The following LRBA variants were observed in gnomAD, a reference collection of about 807,000 sequenced individuals.
The protein encoded by LRBA is LPS responsive beige-like anchor protein.
In LRBA, 176 loss-of-function variants were observed where a neutral mutation model predicts 330.0. The observed-to-expected ratio is 0.53, with a 90% CI of 0.47 to 0.60. The LOEUF is 0.60. Among genes scored for constraint, LRBA ranks in the 20% least tolerant of loss-of-function variants. LRBA has a pLI of 0.00. For synonymous variants in LRBA, 1,230 were observed against 1,193.0 expected, an observed-to-expected ratio of 1.03 and a Z score of -0.64; for missense variants, 3,259 against 3,444.8, an observed-to-expected ratio of 0.95 and a Z score of 1.35.
At chr4:150,922,394 G>GTATGTA (rs1554000212) in intron 4 of LRBA, among the ~76,000 whole-genome samples, 3 of 139,708 alleles carry the variant, frequency 2.1e-5, no homozygotes, top group African/African-American at 5.2e-5. Flanking sequence ...AGAAACTGTG[G>GTATGTA]TATATATATA....
chr4:150,349,867 A>C (rs1176274446), intron 48 of LRBA, 125 bp downstream of exon 48: 1 of 779,454 alleles, frequency 1.3e-6, no homozygotes, highest in Non-Finnish European at 2.0e-6. Flanking sequence ...ATTCTGCTTA[A>C]GGCACTTTAC....
At chr4:150,600,764 A>G (rs1163747866) in intron 37 of LRBA, among the ~76,000 whole-genome samples, 1 of 152,200 alleles carries the variant, frequency 6.6e-6, no homozygotes, top group African/African-American at 2.4e-5. Context: ...ATATACATAC[A>G]ATCAAAAGAC....
intron 36 of LRBA, among the ~76,000 whole-genome samples, chr4:150,726,221 C>T (rs1729647290): frequency 6.6e-6 from 1 of 152,238 alleles, no homozygotes; most frequent in Non-Finnish European, 1.5e-5. Flanking sequence ...AATTAAAAAA[C>T]AAGACCTAAT....
intron 36 of LRBA, among the ~76,000 whole-genome samples, chr4:150,704,870 A>G (rs1335239614): frequency 6.6e-6 from 1 of 152,192 alleles, no homozygotes; most frequent in African/African-American, 2.4e-5. Context: ...TTTCTTTTGC[A>G]TAATAAGAAT....
At chr4:151,002,388 GA>G (rs1037533094) in intron 2 of LRBA, among the ~76,000 whole-genome samples, 9 of 151,304 alleles carry the variant, frequency 5.9e-5, no homozygotes, top group African/African-American at 1.9e-4. Flanking sequence ...CCAAAATGAT[GA>G]AACCCCCCCC....
intron 34 of LRBA, among the ~76,000 whole-genome samples, chr4:150,782,580 TCTCTGTCTGTAGC>T: frequency 6.6e-6 from 1 of 152,298 alleles, no homozygotes; most frequent in South Asian, 2.1e-4. Flanking sequence ...GTCCTCCATT[TCTCTGTCTGTAGC>T]CTCCCACTAA....
At chr4:150,778,152 T>C (rs1737679440) in intron 34 of LRBA, among the ~76,000 whole-genome samples, 1 of 152,052 alleles carries the variant, frequency 6.6e-6, no homozygotes, top group East Asian at 1.9e-4. Context: ...CAAAAGAATA[T>C]AGTGTAACAA....
chr4:150,792,944 G>T (rs779512003), intron 34 of LRBA, among the ~76,000 whole-genome samples: 1 of 152,104 alleles, frequency 6.6e-6, no homozygotes, highest in Admixed American at 6.5e-5. Context: ...GCCAGGCATG[G>T]TGGCAGGCAT....
chr4:150,344,765 G>T (rs1195474162), intron 48 of LRBA, among the ~76,000 whole-genome samples: 1 of 152,062 alleles, frequency 6.6e-6, no homozygotes, highest in Non-Finnish European at 1.5e-5. Flanking sequence ...TGCCCAGGCT[G>T]GTCTTGAACT....
intron 31 of LRBA, among the ~76,000 whole-genome samples, chr4:150,812,617 T>C (rs1442905018): frequency 6.6e-6 from 1 of 152,154 alleles, no homozygotes; most frequent in Non-Finnish European, 1.5e-5. Flanking sequence ...AATAAGCCTA[T>C]TGGCCTAAAT....
intron 37 of LRBA, among the ~76,000 whole-genome samples, chr4:150,648,177 A>AAAAAAAAAAAAAAAAAAAC (rs1779372610): frequency 7.6e-6 from 1 of 131,486 alleles, no homozygotes; most frequent in African/African-American, 2.6e-5. Context: ...AAAAAAAAAA[A>AAAAAAAAAAAAAAAAAAAC]CTAGAAAAGA....
chr4:150,647,585 GACAGGGTCTCCCT>G (rs1419133592), intron 37 of LRBA, among the ~76,000 whole-genome samples: 1 of 151,774 alleles, frequency 6.6e-6, no homozygotes, highest in Non-Finnish European at 1.5e-5. Flanking sequence ...GTGTTGTAGA[GACAGGGTCTCCCT>G]ATGTTGCCCA....
At chr4:150,711,073 A>T (rs780690641) in intron 36 of LRBA, among the ~76,000 whole-genome samples, 2 of 151,958 alleles carry the variant, frequency 1.3e-5, no homozygotes, top group African/African-American at 2.4e-5. Flanking sequence ...TGAAAGTTTC[A>T]GTATGAACCC....
rs573681559 is a variant in LRBA, at chr4:150,311,146, C to T, written c.7694-762G>A. On this transcript the variant is annotated intron_variant, in intron 51 of 56. Coordinates refer to ENST00000651943, the MANE Select transcript of LRBA (RefSeq NM_001364905.1). ...CCGAGCACATGGGAAGAGTAATAAT[C>T]GTCCAGAAATACACCATCGACTGTG... The T allele has an allele frequency of 6.6e-5, 10 of 152,216 alleles. No individual in the cohort carries two copies. In the East Asian group the frequency reaches 9.7e-4, roughly 15 times the overall value. The allele number at this position is 152,216 out of a possible 1,614,324, so 9.4% of individuals were successfully genotyped here.
At chr4:150,873,627 T>C (rs1753690744) in intron 17 of LRBA, among the ~76,000 whole-genome samples, 1 of 151,676 alleles carries the variant, frequency 6.6e-6, no homozygotes, top group South Asian at 2.1e-4. Context: ...TAGGAAGGCC[T>C]TCTGATTTTA....
chr4:150,826,321 TG>T (rs759550362), intron 30 of LRBA, among the ~76,000 whole-genome samples: 2 of 151,952 alleles, frequency 1.3e-5, no homozygotes, highest in Non-Finnish European at 2.9e-5. Flanking sequence ...CTATTTGGGA[TG>T]GGGGGGAAGC....
In LRBA at chr4:150,366,725, A is replaced by T. The variant is rs1314562226; in HGVS notation, c.7195-16566T>A. 2.6e-5 allele frequency among the ~76,000 whole-genome samples: 4 copies of T among 152,202 alleles called. No individual in the cohort carries two copies. In the East Asian group the frequency reaches 7.7e-4, roughly 29 times the overall value. On this transcript the variant is annotated intron_variant, in intron 47 of 56. Transcript: ENST00000651943. ...ATGACAGAATGCAGCTAGCCATAAG[A>T]GGAGGGTGATTAGAATAAATGACTG...
chr4:150,986,584 C>T (rs1157062520), intron 2 of LRBA, among the ~76,000 whole-genome samples: 1 of 152,184 alleles, frequency 6.6e-6, no homozygotes, highest in Non-Finnish European at 1.5e-5. Flanking sequence ...AAGTAGACTG[C>T]TATCCCAACT....
chr4:150,374,640 T>C (rs1740960435), intron 47 of LRBA, among the ~76,000 whole-genome samples: 2 of 152,166 alleles, frequency 1.3e-5, no homozygotes, highest in Non-Finnish European at 2.9e-5. Context: ...TAAAAGGAAA[T>C]GCTTATTGAA....
Sources: allele counts gnomAD v4.1 joint callset (sites outside exome capture counted in the v4.1 genomes callset), GRCh38; gene constraint gnomAD v4.1.1; transcripts MANE v1.5; gene names NCBI Gene and HGNC (gene_info 2026-07-23, HGNC 2026-07-21).